Variants in LDB3 observed in about 807,000 individuals in gnomAD.
The protein encoded by LDB3 is LIM domain binding 3.
Under a neutral mutation model 69.0 loss-of-function variants are expected in LDB3, and 49 were observed. The ratio of observed to expected loss-of-function variants is 0.71; its 90% confidence interval spans 0.56 to 0.90. The LOEUF (loss-of-function observed/expected upper bound fraction) is 0.90. LDB3 is among the 40% of genes least tolerant of loss of function. The pLI, the probability that LDB3 is intolerant of heterozygous loss-of-function variation, is 0.00. For missense variants in LDB3, 928 were observed against 974.1 expected (o/e 0.95, Z 0.63); for synonymous variants, 387 against 396.2 (o/e 0.98, Z 0.28).
At chr10:86,708,720 G>A (rs1008877790) in intron 8 of LDB3, among the ~76,000 whole-genome samples, 2 of 152,210 alleles carry the variant, frequency 1.3e-5, no homozygotes, top group Admixed American at 6.5e-5. Context: ...GGGCAAGTGT[G>A]CACAGCCCCC....
chr10:86,673,415 C>CACTTCTTGG (rs1472368637), intron 2 of LDB3, among the ~76,000 whole-genome samples: 8 of 152,116 alleles, frequency 5.3e-5, no homozygotes, highest in Non-Finnish European at 8.8e-5. Flanking sequence ...ATGTGTGGGT[C>CACTTCTTGG]ACTTCTTGGA....
intron 2 of LDB3, among the ~76,000 whole-genome samples, chr10:86,671,443 T>C (rs1186397677): frequency 7.2e-4 from 110 of 152,076 alleles, no homozygotes; most frequent in Admixed American, 7.2e-3. Context: ...CATCCCTTCA[T>C]AGGGTCTCTG....
intron 5 of LDB3, among the ~76,000 whole-genome samples, chr10:86,684,519 G>A (rs1008733911): frequency 2.6e-5 from 4 of 152,258 alleles, no homozygotes; most frequent in Non-Finnish European, 5.9e-5. Flanking sequence ...GCTCCGTGCT[G>A]GCCCTTTCCT....
intron 7 of LDB3, among the ~76,000 whole-genome samples, chr10:86,701,278 A>G (rs1401070568): frequency 2.0e-5 from 3 of 152,168 alleles, no homozygotes; most frequent in Admixed American, 6.5e-5. Context: ...TCTGCCAGAT[A>G]GAGAGAGGTC....
chr10:86,673,551 G>C (rs935507881), intron 2 of LDB3, among the ~76,000 whole-genome samples: 3 of 152,136 alleles, frequency 2.0e-5, no homozygotes, highest in Admixed American at 6.5e-5. Flanking sequence ...GAGTTGGGGA[G>C]TGGGACCATG....
At chr10:86,688,445 TGAG>T in intron 5 of LDB3, among the ~76,000 whole-genome samples, 1 of 152,230 alleles carries the variant, frequency 6.6e-6, no homozygotes, top group African/African-American at 2.4e-5. Flanking sequence ...CTGCTGGAAC[TGAG>T]GAGCCTGGGG....
chr10:86,721,590 G>A (rs751737738), intron 12 of LDB3, among the ~76,000 whole-genome samples: 28 of 152,192 alleles, frequency 1.8e-4, no homozygotes, highest in Non-Finnish European at 2.6e-4. Context: ...GCAGCATTTC[G>A]TAGGGTGCCC....
At chr10:86,677,678 A>G (rs1483489308) in intron 2 of LDB3, among the ~76,000 whole-genome samples, 1 of 152,126 alleles carries the variant, frequency 6.6e-6, no homozygotes, top group African/African-American at 2.4e-5. Flanking sequence ...CTGTGGTATT[A>G]TCGGGGCTCA....
rs116727543 is a variant in LDB3 at position 86,712,004 on chromosome 10, T to C, written c.1231+1954T>C. Among the ~76,000 whole-genome samples the C allele has an allele frequency of 8.0e-3, 1,219 of 151,910 alleles. 22 individuals carry two copies. Among genetic ancestry groups the C allele is most frequent in the African/African-American group, 0.027 (1,114 of 41,436 alleles). On this transcript the variant is annotated intron_variant, in intron 9 of 13. Coordinates refer to ENST00000361373, the MANE Select transcript of LDB3 (RefSeq NM_007078.3). The stretch of plus-strand genomic sequence containing the variant: ...CTGGCTTAATTCCGTCACGCAAAAA[T>C]AGCAACAGCCCCGGGGCTGCGAGAT...
At chr10:86,690,085 G>C (rs1300342532) in intron 5 of LDB3, among the ~76,000 whole-genome samples, 2 of 152,216 alleles carry the variant, frequency 1.3e-5, no homozygotes, top group Non-Finnish European at 2.9e-5. Flanking sequence ...AGCCAAGAAA[G>C]GCACAGGGGA....
intron 2 of LDB3, among the ~76,000 whole-genome samples, chr10:86,670,013 CCA>C (rs1844372219): frequency 7.2e-6 from 1 of 139,268 alleles, no homozygotes; most frequent in South Asian, 2.5e-4. Flanking sequence ...GCCAATGCCC[CCA>C]GTGGAGGAGT....
chr10:86,718,166 C>T (rs971386268), intron 11 of LDB3, 22 bp downstream of exon 11: 1 of 1,608,770 alleles, frequency 6.2e-7, no homozygotes, highest in African/African-American at 1.3e-5. Flanking sequence ...GCCTCCATTT[C>T]CTCTGACCCA....
Position 86,718,085 on chromosome 10 carries a change from C to A in LDB3, c.1798C>A (p.Arg600=). The A allele has an allele frequency of 6.2e-7, 1 of 1,614,082 alleles. No homozygotes were observed. Among genetic ancestry groups the A allele is most frequent in the Non-Finnish European group, 8.5e-7 (1 of 1,180,006 alleles). Residue 600 remains arginine, a synonymous_variant, in exon 11 of 14, where the codon CGA becomes AGA. Transcript: ENST00000361373. ...VEEQNNVYCE[R]CYEQFFAPLC... is the part of the protein sequence containing the mutation. ...AGAGCAGAACAACGTTTACTGTGAGCGATGTTATGAGCAATTCTTTGCCCC... is the reference window on the plus strand; with the variant it reads ...AGAGCAGAACAACGTTTACTGTGAGAGATGTTATGAGCAATTCTTTGCCCC...
intron 5 of LDB3, chr10:86,687,064 C>A: frequency 6.2e-7 from 1 of 1,613,908 alleles, no homozygotes; most frequent in Non-Finnish European, 8.5e-7. Context: ...GCACCCCTCC[C>A]CCAGCGCCGA....
intron 7 of LDB3, among the ~76,000 whole-genome samples, chr10:86,706,028 C>T (rs1350156661): frequency 6.6e-6 from 1 of 152,162 alleles, no homozygotes; most frequent in Non-Finnish European, 1.5e-5. Flanking sequence ...CTGAGTCCTT[C>T]CGAGCCCAAA....
chr10:86,682,239 GAGGTGGAAA>G (rs1845196246), intron 5 of LDB3, among the ~76,000 whole-genome samples: 1 of 152,186 alleles, frequency 6.6e-6, no homozygotes, highest in South Asian at 2.1e-4. Context: ...GAGCGTTCGA[GAGGTGGAAA>G]AGCGAGTTAT....
intron 1 of LDB3, 41 bp downstream of exon 1, chr10:86,668,611 G>T: frequency 9.2e-7 from 1 of 1,091,326 alleles, no homozygotes. Context: ...GGTGTGGACC[G>T]GGCAGGCGGA....
In LDB3 at chr10:86,699,302, C is replaced by T. The variant is rs372789789; in HGVS notation, c.896+6731C>T. 3.4e-4 allele frequency: 555 copies of T among 1,613,612 alleles called. 1 individual carries two copies. Among genetic ancestry groups the T allele is most frequent in the Admixed American group, 6.5e-4 (39 of 59,980 alleles). The stretch of plus-strand genomic sequence containing the variant: ...GGGAAAGGTTTGAAACGGAACGTAA[C>T]AGCCCACGTTTTGCCAAATTGCGCA... On this transcript the variant is annotated intron_variant, in intron 7 of 13. Transcript: ENST00000361373. The surrounding 1 kb of genome is among the most constrained non-coding windows in gnomAD (Gnocchi z 4.9).
chr10:86,718,667 G>A (rs1028005209), intron 11 of LDB3, 60 bp from the exon 12 acceptor site: 4 of 1,612,096 alleles, frequency 2.5e-6, no homozygotes, highest in South Asian at 1.1e-5. Flanking sequence ...GGAGCCTGGT[G>A]GGGTAGTCAA....
Sources: gnomAD v4.1 joint callset for allele counts (sites outside exome capture counted in the v4.1 genomes callset) on GRCh38, gnomAD v4.1.1 for gene constraint, Gnocchi (gnomAD v3.1) non-coding constraint, MANE v1.5 for transcripts, NCBI Gene and HGNC (gene_info 2026-07-23, HGNC 2026-07-21) for gene names.